Variants in OXR1 observed in about 807,000 individuals in gnomAD.
OXR1 encodes oxidation resistance 1.
In OXR1, 41 loss-of-function variants were observed where a neutral mutation model predicts 104.6. The observed-to-expected ratio is 0.39, with a 90% confidence interval of 0.31 to 0.51. The LOEUF (loss-of-function observed/expected upper bound fraction) is 0.51, where lower values mean the gene tolerates loss of function less well. Among genes scored for constraint, OXR1 ranks in the 20% least tolerant of loss-of-function variants. OXR1 has a pLI of 0.77. For missense variants in OXR1, 955 were observed against 1,031.9 expected (o/e 0.93, Z 1.02); for synonymous variants, 348 against 348.4 (o/e 1.00, Z 0.01).
At chr8:106,750,563 C>T (rs906628823) in intron 16 of OXR1, among the ~76,000 whole-genome samples, 1 of 152,082 alleles carries the variant, frequency 6.6e-6, no homozygotes, top group Non-Finnish European at 1.5e-5. Context: ...CTCCCGACCT[C>T]AGGTGATCCG....
At chr8:106,481,051 C>T (rs537030988) in intron 2 of OXR1, among the ~76,000 whole-genome samples, 1 of 152,068 alleles carries the variant, frequency 6.6e-6, no homozygotes, top group South Asian at 2.1e-4. Flanking sequence ...ATAAAGAAAA[C>T]CAGGTAATAG....
At chr8:106,325,433 T>G (rs1045429324) in intron 1 of OXR1, among the ~76,000 whole-genome samples, 6 of 152,226 alleles carry the variant, frequency 3.9e-5, no homozygotes, top group African/African-American at 1.4e-4. Flanking sequence ...TGAGATTTCC[T>G]AGTTTTTTTA....
At chr8:106,336,588 T>G (rs1814975674) in intron 1 of OXR1, among the ~76,000 whole-genome samples, 1 of 152,260 alleles carries the variant, frequency 6.6e-6, no homozygotes, top group Non-Finnish European at 1.5e-5. Flanking sequence ...TCAAATTATG[T>G]TACCCGTCTT....
At chr8:106,598,411 C>T (rs1037607925) in intron 3 of OXR1, among the ~76,000 whole-genome samples, 3 of 152,156 alleles carry the variant, frequency 2.0e-5, no homozygotes, top group Non-Finnish European at 4.4e-5. Flanking sequence ...GTAACTCCTG[C>T]CTCTCTTTCT....
At chr8:106,723,177 G>T (rs889941151) in intron 11 of OXR1, among the ~76,000 whole-genome samples, 3 of 151,842 alleles carry the variant, frequency 2.0e-5, no homozygotes, top group Non-Finnish European at 4.4e-5. Context: ...CCAATATGGT[G>T]AAATCCCATC....
At chr8:106,641,208 C>A (rs931775378) in intron 3 of OXR1, among the ~76,000 whole-genome samples, 1 of 152,172 alleles carries the variant, frequency 6.6e-6, no homozygotes, top group Non-Finnish European at 1.5e-5. Context: ...CCAGATTTTT[C>A]TGTGCCAATT....
At chr8:106,378,087 C>T (rs1218664465) in intron 2 of OXR1, among the ~76,000 whole-genome samples, 1 of 152,130 alleles carries the variant, frequency 6.6e-6, no homozygotes, top group Non-Finnish European at 1.5e-5. Flanking sequence ...TATTAAGAAT[C>T]AACTTGTTAG....
At chr8:106,334,318 A>G (rs1298497394) in intron 1 of OXR1, among the ~76,000 whole-genome samples, 1 of 152,200 alleles carries the variant, frequency 6.6e-6, no homozygotes, top group Non-Finnish European at 1.5e-5. Context: ...TGTGTCCTCC[A>G]GCTTTGCTGA....
At chr8:106,599,798 A>G (rs1190685933) in intron 3 of OXR1, among the ~76,000 whole-genome samples, 1 of 152,158 alleles carries the variant, frequency 6.6e-6, no homozygotes, top group East Asian at 1.9e-4. Context: ...TTTCGGTATC[A>G]GGGACCAGAG....
At chr8:106,657,688 C>A in intron 3 of OXR1, 1 of 329,196 alleles carries the variant, frequency 3.0e-6, no homozygotes, top group Non-Finnish European at 4.9e-6. Context: ...CGCATCGGTT[C>A]CAGGAAGAAT....
At chr8:106,740,252 A>G (rs1834805978) in intron 13 of OXR1, 91 bp from the exon 14 acceptor site, 3 of 872,762 alleles carry the variant, frequency 3.4e-6, no homozygotes, top group South Asian at 3.4e-5. Context: ...AGCCTATATT[A>G]TATAGGCACC....
chr8:106,344,627 G>A (rs893705411), intron 1 of OXR1, among the ~76,000 whole-genome samples: 5 of 152,192 alleles, frequency 3.3e-5, no homozygotes, highest in African/African-American at 1.2e-4. Context: ...ATGAGCCACT[G>A]CGCCCGGCCA....
intron 1 of OXR1, among the ~76,000 whole-genome samples, chr8:106,303,248 C>CTTTTTTTTTTTTTTTTTTTTTT (rs1164596413): frequency 1.1e-5 from 1 of 92,364 alleles, no homozygotes; most frequent in African/African-American, 4.8e-5. Flanking sequence ...TTTTTTCTTT[C>CTTTTTTTTTTTTTTTTTTTTTT]TTTTTTTTTT....
At chr8:106,720,669 A>AT (rs1832750458) in intron 11 of OXR1, 1 of 928,510 alleles carries the variant, frequency 1.1e-6, no homozygotes, top group Non-Finnish European at 1.3e-6. Context: ...GCTCCCTTAC[A>AT]TACCACAGGA....
intron 2 of OXR1, among the ~76,000 whole-genome samples, chr8:106,496,167 C>A (rs559660938): frequency 2.0e-5 from 3 of 152,224 alleles, no homozygotes; most frequent in Non-Finnish European, 2.9e-5. Context: ...TAGTCTAGGT[C>A]AGTGGTTCTC....
chr8:106,680,950 A>ACTG (rs1415513675), intron 4 of OXR1, among the ~76,000 whole-genome samples: 1 of 152,192 alleles, frequency 6.6e-6, no homozygotes, highest in African/African-American at 2.4e-5. Context: ...ACCTACTGCT[A>ACTG]CTGCTGTCAC....
intron 3 of OXR1, among the ~76,000 whole-genome samples, chr8:106,617,332 A>G (rs1488071769): frequency 6.6e-6 from 1 of 152,094 alleles, no homozygotes; most frequent in Non-Finnish European, 1.5e-5. Context: ...CTGAGGCAGG[A>G]GAATGGCTTC....
intron 3 of OXR1, among the ~76,000 whole-genome samples, chr8:106,649,719 T>C (rs1384174198): frequency 1.3e-5 from 2 of 152,048 alleles, no homozygotes; most frequent in South Asian, 2.1e-4. Context: ...ATACTTGAGA[T>C]GGAGTCTCGC....
At chr8:106,685,200 G>T (rs1308394050) in intron 6 of OXR1, among the ~76,000 whole-genome samples, 1 of 152,056 alleles carries the variant, frequency 6.6e-6, no homozygotes, top group Non-Finnish European at 1.5e-5. Context: ...TTAATGGTAG[G>T]TATTACTTAC....
Sources: allele counts gnomAD v4.1 joint callset (sites outside exome capture counted in the v4.1 genomes callset), GRCh38; gene constraint gnomAD v4.1.1; transcripts MANE v1.5; gene names NCBI Gene and HGNC (gene_info 2026-07-23, HGNC 2026-07-21).